Variants in FRY observed in about 807,000 individuals in gnomAD.
FRY encodes protein furry homolog.
A neutral mutation model predicts 348.4 loss-of-function variants in FRY; 128 were observed. The observed-to-expected ratio is 0.37, with a 90% confidence interval of 0.32 to 0.43. FRY has a LOEUF of 0.43. Among genes scored for constraint, FRY ranks in the 20% least tolerant of loss-of-function variants. The pLI is 1.00. For synonymous variants in FRY, 1,370 were observed against 1,374.7 expected (o/e 1.00, Z 0.08); for missense variants, 2,736 against 3,695.2 (o/e 0.74, Z 6.73).
At chr13:32,184,273 G>T (rs1005503562) in intron 24 of FRY, among the ~76,000 whole-genome samples, 3 of 152,174 alleles carry the variant, frequency 2.0e-5, no homozygotes, top group African/African-American at 7.2e-5. Flanking sequence ...CCAGAACTGG[G>T]ATTATTTCAT....
intron 23 of FRY, among the ~76,000 whole-genome samples, chr13:32,180,744 G>T (rs541180080): frequency 6.6e-6 from 1 of 151,972 alleles, no homozygotes; most frequent in Non-Finnish European, 1.5e-5. Context: ...AAATAAAATC[G>T]CAAACAAAAT....
At chr13:32,152,741 A>G (rs79194437) in intron 14 of FRY, among the ~76,000 whole-genome samples, 4,509 of 152,296 alleles carry the variant, frequency 0.03, 92 homozygotes, top group East Asian at 0.08. Flanking sequence ...TAAAAGTCAT[A>G]AACTATACAA....
intron 8 of FRY, among the ~76,000 whole-genome samples, chr13:32,132,961 G>C (rs545612398): frequency 1.3e-5 from 2 of 152,250 alleles, no homozygotes; most frequent in African/African-American, 4.8e-5. Flanking sequence ...ATATTATTCT[G>C]TTTATATGGA....
chr13:32,247,536 T>C, intron 48 of FRY, 34 bp downstream of exon 48: 1 of 1,511,606 alleles, frequency 6.6e-7, no homozygotes, highest in East Asian at 2.3e-5. Context: ...CTGTGAACTT[T>C]AGCATGAATT....
intron 28 of FRY, among the ~76,000 whole-genome samples, chr13:32,189,946 T>A (rs77348680): frequency 0.035 from 5,292 of 152,064 alleles, 105 homozygotes; most frequent in East Asian, 0.087. Context: ...AGAAAAAAGA[T>A]GATTTACCAT....
At chr13:32,161,639 T>C (rs971206745) in intron 17 of FRY, among the ~76,000 whole-genome samples, 4 of 152,154 alleles carry the variant, frequency 2.6e-5, no homozygotes, top group African/African-American at 4.8e-5. Flanking sequence ...GGCAGAGACA[T>C]GAGCAAAGGC....
At chr13:32,118,254 A>G (rs1423053413) in intron 4 of FRY, among the ~76,000 whole-genome samples, 3 of 152,224 alleles carry the variant, frequency 2.0e-5, no homozygotes, top group Non-Finnish European at 4.4e-5. Context: ...ATAAAAGATT[A>G]TTTTAAAAAG....
chr13:32,185,104 C>T lies in FRY; in HGVS notation c.3275C>T (p.Ala1092Val). Residue 1092 changes from alanine to valine, a missense_variant, in exon 26 of 61, where the codon GCA becomes GTA. Ala to Val is a moderately conservative substitution (Grantham distance 64). Around this residue, in one of 9 missense-constraint regions of FRY, gnomAD observed 449 missense variants for 576.9 expected, o/e 0.78. Coordinates refer to ENST00000542859, the MANE Select transcript of FRY (RefSeq NM_023037.3). ...KEVEILKDIR[A>V]HFSAMVANLI... is the part of the protein sequence containing the mutation. ...GTTGAAATTCTTAAAGATATCCGGG[C>T]ACATTTTAGTGCAATGGTGGCCAAC... is the stretch of plus-strand genomic sequence containing the variant. 3 of 1,614,052 alleles carry T rather than the reference C, an allele frequency of 1.9e-6. No individual in the cohort carries two copies. Among genetic ancestry groups the T allele is most frequent in the Non-Finnish European group, 2.5e-6 (3 of 1,179,922 alleles).
At chr13:32,122,915 C>A (rs983364425) in intron 4 of FRY, among the ~76,000 whole-genome samples, 1 of 151,362 alleles carries the variant, frequency 6.6e-6, no homozygotes, top group African/African-American at 2.4e-5. Flanking sequence ...AGAATCAAAT[C>A]AATAACTCAA....
chr13:32,174,079 C>T (rs1882244440), intron 19 of FRY, among the ~76,000 whole-genome samples: 1 of 152,216 alleles, frequency 6.6e-6, no homozygotes, highest in Admixed American at 6.5e-5. Flanking sequence ...GGCTAAATGC[C>T]ATACACCTTG....
chr13:32,228,711 C>A, intron 40 of FRY, 57 bp downstream of exon 40: 3 of 1,439,704 alleles, frequency 2.1e-6, no homozygotes, highest in Non-Finnish European at 2.9e-6. Context: ...GGAAAATTGC[C>A]AACGCTTTAA....
chr13:32,126,572 G>A (rs1488006560), intron 7 of FRY, among the ~76,000 whole-genome samples: 1 of 152,200 alleles, frequency 6.6e-6, no homozygotes, highest in East Asian at 1.9e-4. Flanking sequence ...CAGTGCTCCA[G>A]TACTTTCCAG....
intron 58 of FRY, chr13:32,287,968 C>G: frequency 2.3e-6 from 1 of 430,582 alleles, no homozygotes; most frequent in South Asian, 2.6e-5. Context: ...TGTTACATCT[C>G]TTAGCATGTT....
intron 33 of FRY, among the ~76,000 whole-genome samples, chr13:32,210,487 G>A (rs888298014): frequency 3.9e-5 from 6 of 152,122 alleles, no homozygotes; most frequent in African/African-American, 1.4e-4. Context: ...AGAATAGCAG[G>A]GGACTGGATT....
At chr13:32,253,877 T>C (rs577058578) in intron 50 of FRY, among the ~76,000 whole-genome samples, 154 of 152,340 alleles carry the variant, frequency 1.0e-3, no homozygotes, top group African/African-American at 3.7e-3. Flanking sequence ...ATGTATAATT[T>C]CTAACTCTAA....
At chr13:32,249,728 G>T in intron 49 of FRY, 41 bp downstream of exon 49, 4 of 1,587,182 alleles carry the variant, frequency 2.5e-6, no homozygotes, top group Non-Finnish European at 3.5e-6. Flanking sequence ...GGGAGTTTAG[G>T]GACCTGTTGA....
chr13:32,251,802 G>T, intron 49 of FRY, 76 bp from the exon 50 acceptor site: 1 of 868,026 alleles, frequency 1.2e-6, no homozygotes, highest in South Asian at 1.3e-5. Context: ...TGCCCTGTAT[G>T]GCTAGTGGCT....
chr13:32,184,686 T>G lies in FRY; in HGVS notation c.3141T>G (p.Ser1047Arg), dbSNP rs1882917758. The change falls in exon 25 of 61, where the codon AGT becomes AGG. Residue 1047 changes from serine (S) to arginine (R), a missense_variant. This residue lies in a region of FRY where 449 missense variants were observed against 576.9 expected (regional missense o/e 0.78). Transcript: ENST00000542859. ...FELLADAGVISDSTNGALERD... is the reference protein window; with the variant it reads ...FELLADAGVIRDSTNGALERD... ...TTTTGGCTGATGCTGGTGTAATAAG[T>G]GACAGGTAGGATCAGAATTCTACCG... is the stretch of plus-strand genomic sequence containing the variant. 6.3e-7 allele frequency: 1 copy of G among 1,579,076 alleles called. No individual in the cohort carries two copies. Among genetic ancestry groups the G allele is most frequent in the Non-Finnish European group, 8.7e-7 (1 of 1,148,322 alleles).
rs1294145156 is a variant in FRY, at chr13:32,265,875, G to A, written c.7946+259G>A. ...AACGTAAAAAGCAAAGGAAGAGCCT[G>A]GAAACATGGTCCAGACCTTGTAAGC... On this transcript the variant is annotated intron_variant, in intron 54 of 60. Transcript: ENST00000542859. 3.3e-5 allele frequency among the ~76,000 whole-genome samples: 5 copies of A among 152,302 alleles called. No individual in the cohort carries two copies. The East Asian group carries it at 9.6e-4, about 29-fold the overall frequency.
Sources: gnomAD v4.1 joint callset for allele counts (sites outside exome capture counted in the v4.1 genomes callset) on GRCh38, gnomAD v4.1.1 for gene constraint, gnomAD v4.1.1 regional missense constraint, MANE v1.5 for transcripts, NCBI Gene and HGNC (gene_info 2026-07-23, HGNC 2026-07-21) for gene names.